FEV: variants seen among roughly 807,000 people sequenced by gnomAD.
FEV encodes the protein protein FEV.
In FEV, 14 loss-of-function variants were observed where a neutral mutation model predicts 20.5. That is an observed-to-expected ratio of 0.68 (90% CI 0.45 to 1.07). The LOEUF is 1.07. Ranked by LOEUF, FEV falls within the 50% of genes least tolerant of loss-of-function variation. The probability of loss-of-function intolerance (pLI) is 0.00; values close to 1 mark genes in which losing one functional copy is unlikely to be tolerated. For missense variants in FEV, 301 were observed against 345.3 expected, an observed-to-expected ratio of 0.87 and a Z score of 1.02; for synonymous variants, 188 against 163.7, an observed-to-expected ratio of 1.15 and a Z score of -1.13.
At chr2:218,982,938 T>C (rs1013057708) in intron 2 of FEV, among the ~76,000 whole-genome samples, 2 of 152,230 alleles carry the variant, frequency 1.3e-5, no homozygotes, top group African/African-American at 2.4e-5. Flanking sequence ...CAAGCTCTCA[T>C]GGGCTCACTA....
chr2:218,984,127 G>C lies in FEV; in HGVS notation c.127+104C>G, dbSNP rs1444017753. 1 of 1,165,168 alleles carries C rather than the reference G, an allele frequency of 8.6e-7. No homozygotes were observed. The highest frequency in any genetic ancestry group is 2.7e-5 in the East Asian group (1 of 37,732). The allele number at this position is 1,165,168 out of a possible 1,614,324, so 72.2% of individuals were successfully genotyped here. A position where few individuals can be genotyped will look rare whatever the true frequency, so the allele number is the denominator to read the frequency against. Reference sequence around the variant, plus strand: ...CCGCACAACCAGGCCAGGACTCCGGGCTTCAGTGTGAACCCTGGGTCCACA... The same window carrying C: ...CCGCACAACCAGGCCAGGACTCCGGCCTTCAGTGTGAACCCTGGGTCCACA... On this transcript the variant is annotated intron_variant, in intron 2 of 2. Transcript: ENST00000295727. This position sits in a 1 kb window ranked among gnomAD's most constrained non-coding sequence, Gnocchi z 5.0.
In FEV at chr2:218,981,233, C is replaced by T. The variant is rs1449755041; in HGVS notation, c.*434G>A. 1 of 230,156 alleles carries T rather than the reference C, an allele frequency of 4.3e-6. No homozygotes were observed. The highest frequency in any genetic ancestry group is 1.8e-4 in the South Asian group (1 of 5,500). 14.3% of individuals were successfully genotyped at this position (230,156 alleles called of 1,614,324 possible). ...CTGCTCAGGTCCCAGGAAGGAGGACCGTGAGAGGCCTCCACGTGCTGAGGT... is the reference window on the plus strand; with the variant it reads ...CTGCTCAGGTCCCAGGAAGGAGGACTGTGAGAGGCCTCCACGTGCTGAGGT... On this transcript the variant is annotated 3_prime_UTR_variant, in exon 3 of 3. Coordinates refer to ENST00000295727, the MANE Select transcript of FEV (RefSeq NM_017521.3). The surrounding 1 kb of genome is among the most constrained non-coding windows in gnomAD (Gnocchi z 4.5).
chr2:218,981,834 A>G lies in FEV; in HGVS notation c.550T>C (p.Ser184Pro). Residue 184 changes from serine (S) to proline (P), a missense_variant, in exon 3 of 3, where the codon TCG becomes CCG. Transcript: ENST00000295727. This position sits in a 1 kb window ranked among gnomAD's most constrained non-coding sequence, Gnocchi z 4.5. ...GLSKLNLMAASAGVAPAGFSY... is the reference protein window; with the variant it reads ...GLSKLNLMAAPAGVAPAGFSY... ...AAGCCGGCGGGCGCGACCCCGGCCG[A>G]GGCGGCCATGAGGTTGAGTTTGGAG... The G allele has an allele frequency of 1.6e-6, 2 of 1,236,028 alleles. No individual in the cohort carries two copies. The allele number at this position is 1,236,028 out of a possible 1,614,324, so 76.6% of individuals were successfully genotyped here.
Position 218,981,646 on chromosome 2 carries a change from G to A in FEV, c.*21C>T, listed in dbSNP as rs1176795585. ...AGACTCTAGGCGTGCGGGCGAGGCC[G>A]CAGGCACCCGACCGCCCCGTCTAGT... On this transcript the variant is annotated 3_prime_UTR_variant, in exon 3 of 3. Coordinates refer to ENST00000295727, the MANE Select transcript of FEV (RefSeq NM_017521.3). The surrounding 1 kb of genome is among the most constrained non-coding windows in gnomAD (Gnocchi z 4.5). 4.7e-6 allele frequency: 6 copies of A among 1,283,988 alleles called. No individual in the cohort carries two copies. In the South Asian group the frequency reaches 1.1e-4, roughly 23 times the overall value. The allele number at this position is 1,283,988 out of a possible 1,614,324, so 79.5% of individuals were successfully genotyped here.
In FEV at chr2:218,981,754, C is replaced by G. The variant is rs939001294; in HGVS notation, c.630G>C (p.Ala210=). 7 of 1,284,210 alleles carry G rather than the reference C, an allele frequency of 5.5e-6. No individual in the cohort carries two copies. Among genetic ancestry groups the G allele is most frequent in the Non-Finnish European group, 6.8e-6 (7 of 1,023,870 alleles). The allele number at this position is 1,284,210 out of a possible 1,614,324, so 79.6% of individuals were successfully genotyped here. A position where few individuals can be genotyped will look rare whatever the true frequency, so the allele number is the denominator to read the frequency against. ...PAATAAAATA[A]LYPSPSLQPP... ...GCTGCAAGCTGGGACTGGGGTAGAG[C>G]GCGGCGGTGGCGGCGGCAGCGGTGG... The change falls in exon 3 of 3, where the codon GCG becomes GCC. Residue 210 remains alanine (A), a synonymous_variant. Transcript: ENST00000295727. This position sits in a 1 kb window ranked among gnomAD's most constrained non-coding sequence, Gnocchi z 4.5.
rs1945428808 is a variant in FEV, at chr2:218,985,141, C to T, written c.-66G>A. On this transcript the variant is annotated 5_prime_UTR_variant, in exon 1 of 3. Transcript: ENST00000295727. ...GAAGGGGGGCGAGGCAGGCTTTGCG[C>T]TCGGTGGCACCGATCCCCGCCCGAA... 2 of 1,244,454 alleles carry T rather than the reference C, an allele frequency of 1.6e-6. No individual in the cohort carries two copies. The highest frequency in any genetic ancestry group is 2.2e-6 in the Non-Finnish European group (2 of 912,964). 77.1% of individuals were successfully genotyped at this position (1,244,454 alleles called of 1,614,324 possible). A position where few individuals can be genotyped will look rare whatever the true frequency, so the allele number is the denominator to read the frequency against.
At position 218,984,064 on chromosome 2, in the gene FEV, C is replaced by A. The variant is rs989458672; in HGVS notation, c.127+167G>T. ...CTCTTTTCCTGGTGCTCAGGAGATG[C>A]AGGAGCCAAAAACCAAGTGACTGTC... On this transcript the variant is annotated intron_variant, in intron 2 of 2. Transcript: ENST00000295727. The surrounding 1 kb of genome is among the most constrained non-coding windows in gnomAD (Gnocchi z 5.0). 7.2e-5 allele frequency among the ~76,000 whole-genome samples: 11 copies of A among 152,178 alleles called. No individual in the cohort carries two copies. Among genetic ancestry groups the A allele is most frequent in the Non-Finnish European group, 1.6e-4 (11 of 68,022 alleles).
Position 218,982,151 on chromosome 2 carries a change from G to A in FEV, c.233C>T (p.Thr78Met). 1 of 1,613,448 alleles carries A rather than the reference G, an allele frequency of 6.2e-7. No homozygotes were observed. Among genetic ancestry groups the A allele is most frequent in the Non-Finnish European group, 8.5e-7 (1 of 1,179,864 alleles). The change falls in exon 3 of 3, where the codon ACG becomes ATG. Residue 78 changes from threonine to methionine, a missense_variant. Physicochemically the swap from Thr to Met is moderately conservative, Grantham distance 81. Transcript: ENST00000295727. ...WEGGHGEFKL[T>M]DPDEVARRWG... ...CCGCCGCGCCACCTCGTCCGGGTCCGTGAGCTTGAACTCGCCGTGACCGCC... is the reference window on the plus strand; with the variant it reads ...CCGCCGCGCCACCTCGTCCGGGTCCATGAGCTTGAACTCGCCGTGACCGCC...
At chr2:218,982,873 C>G (rs1431829757) in intron 2 of FEV, among the ~76,000 whole-genome samples, 2 of 152,204 alleles carry the variant, frequency 1.3e-5, no homozygotes, top group African/African-American at 4.8e-5. Flanking sequence ...CCTTGGGACA[C>G]CACATCCGAC....
In FEV at chr2:218,985,045, G is replaced by T; in HGVS notation, c.31C>A (p.Leu11Met). MRQSGASQPL[L>M]INMYLPDPVG... ...GTACCTGGCAGGTACATGTTGATCA[G>T]CAGGGGCTGGGAGGCGCCGCTCTGT... Residue 11 changes from leucine (L) to methionine (M), a missense_variant, in exon 1 of 3, where the codon CTG becomes ATG. Transcript: ENST00000295727. 1.3e-6 allele frequency: 2 copies of T among 1,560,472 alleles called. No homozygotes were observed. Among genetic ancestry groups the T allele is most frequent in the Non-Finnish European group, 1.7e-6 (2 of 1,152,482 alleles).
chr2:218,984,903 T>A lies in FEV; in HGVS notation c.52+121A>T. ...GCCCTACATTACAATCGGCCCTCCATGCAACCCGAATCTCCGGACACTTCT... is the reference window on the plus strand; with the variant it reads ...GCCCTACATTACAATCGGCCCTCCAAGCAACCCGAATCTCCGGACACTTCT... On this transcript the variant is annotated intron_variant, in intron 1 of 2. Coordinates refer to ENST00000295727, the MANE Select transcript of FEV (RefSeq NM_017521.3). This position sits in a 1 kb window ranked among gnomAD's most constrained non-coding sequence, Gnocchi z 5.0. 2 of 925,624 alleles carry A rather than the reference T, an allele frequency of 2.2e-6. No homozygotes were observed. The highest frequency in any genetic ancestry group is 3.4e-6 in the Non-Finnish European group (2 of 582,268). 57.3% of individuals were successfully genotyped at this position (925,624 alleles called of 1,614,324 possible). A position where few individuals can be genotyped will look rare whatever the true frequency, so the allele number is the denominator to read the frequency against.
chr2:218,983,917 C>A (rs1181365194), intron 2 of FEV, among the ~76,000 whole-genome samples: 1 of 152,194 alleles, frequency 6.6e-6, no homozygotes, highest in Non-Finnish European at 1.5e-5. Context: ...CGGCCTTGAG[C>A]TCCTACTACC....
In FEV at chr2:218,984,379, C is replaced by CA; in HGVS notation, c.53-75dup. 1 of 1,448,762 alleles carries CA rather than the reference C, an allele frequency of 6.9e-7. No homozygotes were observed. The highest frequency in any genetic ancestry group is 9.4e-7 in the Non-Finnish European group (1 of 1,063,314). The allele number at this position is 1,448,762 out of a possible 1,614,324, so 89.7% of individuals were successfully genotyped here. On this transcript the variant is annotated intron_variant, in intron 1 of 2. Transcript: ENST00000295727. This position sits in a 1 kb window ranked among gnomAD's most constrained non-coding sequence, Gnocchi z 5.0. ...TGGGCTTGACAAAAGGGCCCCGGGC[C>CA]AAGGCTTAAGGGGGGTGCTGTGGTC...
In FEV at chr2:218,984,657, GC is replaced by G. The variant is rs1208088241; in HGVS notation, c.53-353del. Among the ~76,000 whole-genome samples the G allele has an allele frequency of 6.6e-6, 1 of 152,214 alleles. No individual in the cohort carries two copies. Among genetic ancestry groups the G allele is most frequent in the East Asian group, 1.9e-4 (1 of 5,180 alleles). On this transcript the variant is annotated intron_variant, in intron 1 of 2. Transcript: ENST00000295727. The surrounding 1 kb of genome is among the most constrained non-coding windows in gnomAD (Gnocchi z 5.0). The stretch of plus-strand genomic sequence containing the variant: ...GAAGCTCGTAGCAGGAAGGTGAGGA[GC>G]CGTGAGAGCGCAGGGGAGACGCCCG...
Position 218,981,892 on chromosome 2 carries a change from G to A in FEV, c.492C>T (p.Pro164=). The change falls in exon 3 of 3, where the codon CCC becomes CCT. Residue 164 remains proline (P), a synonymous_variant. Transcript: ENST00000295727. The surrounding 1 kb of genome is among the most constrained non-coding windows in gnomAD (Gnocchi z 4.5). ...AAQDGALYKL[P]AGLAPLPFPG... The stretch of plus-strand genomic sequence containing the variant: ...GGAAGGGCAGCGGGGCGAGGCCGGC[G>A]GGCAGCTTGTAGAGCGCGCCGTCCT... 8.1e-7 allele frequency: 1 copy of A among 1,242,034 alleles called. No homozygotes were observed. Among genetic ancestry groups the A allele is most frequent in the Non-Finnish European group, 1.0e-6 (1 of 996,382 alleles). The allele number at this position is 1,242,034 out of a possible 1,614,324, so 76.9% of individuals were successfully genotyped here. A position where few individuals can be genotyped will look rare whatever the true frequency, so the allele number is the denominator to read the frequency against.
In FEV at chr2:218,984,342, G is replaced by A. The variant is rs752091617; in HGVS notation, c.53-37C>T. 4.5e-6 allele frequency: 7 copies of A among 1,547,734 alleles called. No homozygotes were observed. Among genetic ancestry groups the A allele is most frequent in the Admixed American group, 3.9e-5 (2 of 51,892 alleles). ...AGAAGAAAAGAATCAGGAGAACCCC[G>A]GGCGGAAGTTGTGGGCTTGACAAAA... On this transcript the variant is annotated intron_variant, in intron 1 of 2. Transcript: ENST00000295727. This position sits in a 1 kb window ranked among gnomAD's most constrained non-coding sequence, Gnocchi z 5.0.
Position 218,981,276 on chromosome 2 carries a change from G to C in FEV, c.*391C>G, listed in dbSNP as rs540109197. 83 of 236,558 alleles carry C rather than the reference G, an allele frequency of 3.5e-4. No homozygotes were observed. The highest frequency in any genetic ancestry group is 1.8e-3 in the African/African-American group (83 of 45,580). The allele number at this position is 236,558 out of a possible 1,614,324, so 14.7% of individuals were successfully genotyped here. A position where few individuals can be genotyped will look rare whatever the true frequency, so the allele number is the denominator to read the frequency against. ...GCTGAGGTGGGAGCAGTTCCTTGGGGAAGAGCAAAAGTGGGAAAAGATTTG... is the reference window on the plus strand; with the variant it reads ...GCTGAGGTGGGAGCAGTTCCTTGGGCAAGAGCAAAAGTGGGAAAAGATTTG... On this transcript the variant is annotated 3_prime_UTR_variant, in exon 3 of 3. Transcript: ENST00000295727. The surrounding 1 kb of genome is among the most constrained non-coding windows in gnomAD (Gnocchi z 4.5).
In FEV at chr2:218,981,541, G is replaced by A. The variant is rs1349871356; in HGVS notation, c.*126C>T. 1.4e-6 allele frequency: 1 copy of A among 718,656 alleles called. No homozygotes were observed. Among genetic ancestry groups the A allele is most frequent in the Non-Finnish European group, 1.9e-6 (1 of 520,022 alleles). The allele number at this position is 718,656 out of a possible 1,614,324, so 44.5% of individuals were successfully genotyped here. A position where few individuals can be genotyped will look rare whatever the true frequency, so the allele number is the denominator to read the frequency against. ...CGGTCCCGTCCCCCTGCTAAGTGCGGCAGGTGGAGTAAACTCTGGATTAGA... is the reference window on the plus strand; with the variant it reads ...CGGTCCCGTCCCCCTGCTAAGTGCGACAGGTGGAGTAAACTCTGGATTAGA... On this transcript the variant is annotated 3_prime_UTR_variant, in exon 3 of 3. Transcript: ENST00000295727. The surrounding 1 kb of genome is among the most constrained non-coding windows in gnomAD (Gnocchi z 4.5).
chr2:218,984,279 C>T lies in FEV; in HGVS notation c.79G>A (p.Asp27Asn). The T allele has an allele frequency of 6.2e-7, 1 of 1,602,132 alleles. No individual in the cohort carries two copies. Among genetic ancestry groups the T allele is most frequent in the Non-Finnish European group, 8.5e-7 (1 of 1,174,600 alleles). ...GGCCCCCAGCTCGGGTTCTTCCCGT[C>T]CTTGAAGAGACCGTCTCCGACGGGA... ...PDPVGDGLFK[D>N]GKNPSWGPLS... The change falls in exon 2 of 3, where the codon GAC (aspartate) becomes AAC (asparagine). Residue 27 changes from aspartate to asparagine, a missense_variant. Coordinates refer to ENST00000295727, the MANE Select transcript of FEV (RefSeq NM_017521.3). The surrounding 1 kb of genome is among the most constrained non-coding windows in gnomAD (Gnocchi z 5.0).
Sources: allele counts gnomAD v4.1 joint callset (sites outside exome capture counted in the v4.1 genomes callset), GRCh38; gene constraint gnomAD v4.1.1; non-coding constraint Gnocchi (gnomAD v3.1); transcripts MANE v1.5; gene names NCBI Gene and HGNC (gene_info 2026-07-23, HGNC 2026-07-21).